The following BCAS3 variants were observed in gnomAD, a reference collection of about 807,000 sequenced individuals.
BCAS3 encodes BCAS3 microtubule associated cell migration factor.
Under a neutral mutation model 116.1 loss-of-function variants are expected in BCAS3, and 53 were observed. That is an observed-to-expected ratio of 0.46 (90% CI 0.37 to 0.57). BCAS3 has a LOEUF of 0.57. Among genes scored for constraint, BCAS3 ranks in the 20% least tolerant of loss-of-function variants. The probability of loss-of-function intolerance (pLI) is 0.00; values close to 1 mark genes in which losing one functional copy is unlikely to be tolerated. For synonymous variants in BCAS3, 391 were observed against 408.2 expected (o/e 0.96, Z 0.51); for missense variants, 917 against 1,165.4 (o/e 0.79, Z 3.10).
intron 7 of BCAS3, among the ~76,000 whole-genome samples, chr17:60,862,509 G>C (rs960289912): frequency 1.7e-4 from 26 of 152,088 alleles, no homozygotes; most frequent in Non-Finnish European, 3.1e-4. Flanking sequence ...GTTCTGTTCA[G>C]GGTTTTAATT....
intron 22 of BCAS3, among the ~76,000 whole-genome samples, chr17:61,294,588 G>C (rs2052722516): frequency 6.6e-6 from 1 of 152,194 alleles, no homozygotes. Context: ...AACTGGCCTT[G>C]AAAGGCCTTG....
chr17:60,743,168 A>T (rs1490803779), intron 5 of BCAS3, among the ~76,000 whole-genome samples: 1 of 152,168 alleles, frequency 6.6e-6, no homozygotes, highest in African/African-American at 2.4e-5. Context: ...CTATATAGCA[A>T]TACATATAAA....
At position 61,156,798 on chromosome 17, in the gene BCAS3, A is replaced by T. The variant is rs182940075; in HGVS notation, c.2425+72234A>T. Among the ~76,000 whole-genome samples, 22 of 152,322 alleles carry T rather than the reference A, an allele frequency of 1.4e-4. No individual in the cohort carries two copies. In the East Asian group the frequency reaches 4.2e-3, roughly 29 times the overall value. Reference sequence around the variant, plus strand: ...CACACAAAAAATCTGCAGTGTGGATATAAGTTAATGCCCTGAAGCTGGTAC... The same window carrying T: ...CACACAAAAAATCTGCAGTGTGGATTTAAGTTAATGCCCTGAAGCTGGTAC... On this transcript the variant is annotated intron_variant, in intron 22 of 23. Transcript: ENST00000407086. This position sits in a 1 kb window ranked among gnomAD's most constrained non-coding sequence, Gnocchi z 4.7.
rs939167492 is a variant in BCAS3 at position 60,932,708 on chromosome 17, C to T, written c.1087+8208C>T. On this transcript the variant is annotated intron_variant, in intron 13 of 23. Coordinates refer to ENST00000407086, the MANE Select transcript of BCAS3 (RefSeq NM_017679.5). ...AGTGAGCCAAGATGGTGCCACTGCACTCCAGCCTGGGCGACAGAGCGAGAC... is the reference window on the plus strand; with the variant it reads ...AGTGAGCCAAGATGGTGCCACTGCATTCCAGCCTGGGCGACAGAGCGAGAC... Among the ~76,000 whole-genome samples, 5 of 138,308 alleles carry T rather than the reference C, an allele frequency of 3.6e-5. No individual in the cohort carries two copies. The Admixed American group carries it at 3.9e-4, about 11-fold the overall frequency. 90.7% of individuals were successfully genotyped at this position (138,308 alleles called of 152,430 possible).
intron 7 of BCAS3, among the ~76,000 whole-genome samples, chr17:60,830,102 C>T (rs1299318546): frequency 1.3e-5 from 2 of 152,176 alleles, no homozygotes; most frequent in Non-Finnish European, 2.9e-5. Context: ...AGCGATTCTC[C>T]TGCCTCAGCT....
At chr17:60,762,907 T>G (rs923720180) in intron 6 of BCAS3, among the ~76,000 whole-genome samples, 12 of 151,742 alleles carry the variant, frequency 7.9e-5, no homozygotes, top group Non-Finnish European at 1.6e-4. Context: ...CTTGAAGAGG[T>G]CCTTCACGTC....
intron 13 of BCAS3, among the ~76,000 whole-genome samples, chr17:60,940,515 T>G (rs2060170389): frequency 2.0e-5 from 3 of 152,190 alleles, no homozygotes; most frequent in Non-Finnish European, 4.4e-5. Context: ...TAAGCTATGA[T>G]ATTATGATTT....
chr17:61,130,434 C>T lies in BCAS3; in HGVS notation c.2425+45870C>T, dbSNP rs956436420. On this transcript the variant is annotated intron_variant, in intron 22 of 23. Transcript: ENST00000407086. This position sits in a 1 kb window ranked among gnomAD's most constrained non-coding sequence, Gnocchi z 5.0. ...AACCACAAAACCGATTCTTAATTAC[C>T]TCTTGCCTGGGACACTGCAGAAGTA... 6.6e-6 allele frequency among the ~76,000 whole-genome samples: 1 copy of T among 152,128 alleles called. No homozygotes were observed. The highest frequency in any genetic ancestry group is 1.9e-4 in the East Asian group (1 of 5,204).
Position 61,198,341 on chromosome 17 carries a change from C to T in BCAS3, c.2425+113777C>T, listed in dbSNP as rs535492252. ...ATTTTTAGTAGAGATGGGGTTTCACCGTGTTAGCCAGGATGTTCTCGATCT... is the reference window on the plus strand; with the variant it reads ...ATTTTTAGTAGAGATGGGGTTTCACTGTGTTAGCCAGGATGTTCTCGATCT... On this transcript the variant is annotated intron_variant, in intron 22 of 23. Coordinates refer to ENST00000407086, the MANE Select transcript of BCAS3 (RefSeq NM_017679.5). The surrounding 1 kb of genome is among the most constrained non-coding windows in gnomAD (Gnocchi z 5.0). Among the ~76,000 whole-genome samples, 2 of 152,144 alleles carry T rather than the reference C, an allele frequency of 1.3e-5. No individual in the cohort carries two copies. The highest frequency in any genetic ancestry group is 1.9e-4 in the East Asian group (1 of 5,174).
In BCAS3 at chr17:61,274,118, C is replaced by A. The variant is rs533186403; in HGVS notation, c.2426-94209C>A. 1.8e-3 allele frequency among the ~76,000 whole-genome samples: 275 copies of A among 150,722 alleles called. 2 individuals carry two copies. The highest frequency in any genetic ancestry group is 6.6e-3 in the African/African-American group (272 of 41,144). ...ATGCTATCCCTCCCCACTCCCCCCA[C>A]CCCACAACAGTCCCCGGTGTGTGAT... is the stretch of plus-strand genomic sequence containing the variant. On this transcript the variant is annotated intron_variant, in intron 22 of 23. Coordinates refer to ENST00000407086, the MANE Select transcript of BCAS3 (RefSeq NM_017679.5).
chr17:61,391,925 CACTCCCCAGACCCA>C lies in BCAS3; in HGVS notation c.2594-47_2594-34del. 1 of 1,584,518 alleles carries C rather than the reference CACTCCCCAGACCCA, an allele frequency of 6.3e-7. No individual in the cohort carries two copies. The highest frequency in any genetic ancestry group is 8.6e-7 in the Non-Finnish European group (1 of 1,164,810). The stretch of plus-strand genomic sequence containing the variant: ...GGCAGCCTGGCCCAGATGGTGCCCC[CACTCCCCAGACCCA>C]ACTCTAACCAGGCCTGGCCCTCTCC... On this transcript the variant is annotated intron_variant, in intron 23 of 23. Transcript: ENST00000407086. The surrounding 1 kb of genome is among the most constrained non-coding windows in gnomAD (Gnocchi z 7.7).
chr17:61,223,789 C>T (rs539702298), intron 22 of BCAS3, among the ~76,000 whole-genome samples: 1 of 152,280 alleles, frequency 6.6e-6, no homozygotes, highest in South Asian at 2.1e-4. Flanking sequence ...GTATTTGCAC[C>T]TCTGAGGGCC....
intron 22 of BCAS3, among the ~76,000 whole-genome samples, chr17:61,238,167 C>G (rs1602108110): frequency 6.6e-6 from 1 of 152,060 alleles, no homozygotes. Flanking sequence ...ATTTTCCTAC[C>G]TCAGCCTCCT....
Position 61,141,927 on chromosome 17 carries a change from C to A in BCAS3, c.2425+57363C>A, listed in dbSNP as rs1215076233. ...GAAAAAAAAAAAAAAAAAAGTTAGA[C>A]AATTATACAGAGATACTCAAGTTCT... On this transcript the variant is annotated intron_variant, in intron 22 of 23. Coordinates refer to ENST00000407086, the MANE Select transcript of BCAS3 (RefSeq NM_017679.5). This position sits in a 1 kb window ranked among gnomAD's most constrained non-coding sequence, Gnocchi z 4.3. Among the ~76,000 whole-genome samples, 15 of 131,018 alleles carry A rather than the reference C, an allele frequency of 1.1e-4. 2 individuals carry two copies. The highest frequency in any genetic ancestry group is 5.0e-4 in the South Asian group (2 of 3,976). The allele number at this position is 131,018 out of a possible 152,430, so 86.0% of individuals were successfully genotyped here.
At chr17:61,045,823 T>TCTCTCTCTC (rs2068003623) in intron 19 of BCAS3, among the ~76,000 whole-genome samples, 2 of 34,628 alleles carry the variant, frequency 5.8e-5, no homozygotes, top group African/African-American at 5.2e-4. Context: ...TCATCTCTCT[T>TCTCTCTCTC]TCTCTCTCTC....
At chr17:60,766,609 G>T (rs1260672036) in intron 6 of BCAS3, among the ~76,000 whole-genome samples, 3 of 152,152 alleles carry the variant, frequency 2.0e-5, no homozygotes, top group Non-Finnish European at 2.9e-5. Context: ...GTGTCATTCG[G>T]CCCCTACTGG....
rs929488314 is a variant in BCAS3, at chr17:61,106,044, G to A, written c.2425+21480G>A. Among the ~76,000 whole-genome samples, 1 of 152,084 alleles carries A rather than the reference G, an allele frequency of 6.6e-6. No homozygotes were observed. Among genetic ancestry groups the A allele is most frequent in the Non-Finnish European group, 1.5e-5 (1 of 68,026 alleles). On this transcript the variant is annotated intron_variant, in intron 22 of 23. Transcript: ENST00000407086. This position sits in a 1 kb window ranked among gnomAD's most constrained non-coding sequence, Gnocchi z 4.2. ...CTTTGGTCACTTGGCAGCCGTCTTG[G>A]TTGCAGTATTACAGTGCTTGTATTC...
At position 61,251,052 on chromosome 17, in the gene BCAS3, A is replaced by C. The variant is rs2048333403; in HGVS notation, c.2426-117275A>C. ...GATGGTGAAACACCCTCATCCCTCC[A>C]GCCCTGCCCCCAGGAAACCCTTCAT... On this transcript the variant is annotated intron_variant, in intron 22 of 23. Transcript: ENST00000407086. The surrounding 1 kb of genome is among the most constrained non-coding windows in gnomAD (Gnocchi z 4.7). 6.6e-6 allele frequency among the ~76,000 whole-genome samples: 1 copy of C among 152,164 alleles called. No homozygotes were observed. Among genetic ancestry groups the C allele is most frequent in the African/African-American group, 2.4e-5 (1 of 41,426 alleles).
intron 18 of BCAS3, among the ~76,000 whole-genome samples, chr17:61,039,888 G>A (rs2067365999): frequency 6.6e-6 from 1 of 152,122 alleles, no homozygotes; most frequent in South Asian, 2.1e-4. Flanking sequence ...AGCCATTAAG[G>A]GGAATAGAAA....
Sources: allele counts gnomAD v4.1 joint callset (sites outside exome capture counted in the v4.1 genomes callset), GRCh38; gene constraint gnomAD v4.1.1; non-coding constraint Gnocchi (gnomAD v3.1); transcripts MANE v1.5; gene names NCBI Gene and HGNC (gene_info 2026-07-23, HGNC 2026-07-21).